LRBA: variants seen among roughly 807,000 people sequenced by gnomAD.
The protein encoded by LRBA is LPS responsive beige-like anchor protein.
LRBA carries 176 observed loss-of-function variants against 330.0 expected under a neutral mutation model. The ratio of observed to expected loss-of-function variants is 0.53; its 90% CI spans 0.47 to 0.60. The LOEUF (loss-of-function observed/expected upper bound fraction) is 0.60. Among genes scored for constraint, LRBA ranks in the 20% least tolerant of loss-of-function variants. The pLI is 0.00. For synonymous variants in LRBA, 1,230 were observed against 1,193.0 expected, an observed-to-expected ratio of 1.03 and a Z score of -0.64; for missense variants, 3,259 against 3,444.8, an observed-to-expected ratio of 0.95 and a Z score of 1.35.
chr4:150,311,300 G>C (rs954110156), intron 51 of LRBA: 2 of 152,130 alleles, frequency 1.3e-5, no homozygotes, highest in African/African-American at 4.8e-5. Context: ...TAAGGATTCT[G>C]ATGCTGCTAA....
intron 37 of LRBA, among the ~76,000 whole-genome samples, chr4:150,649,305 G>A (rs1779492077): frequency 6.6e-6 from 1 of 152,138 alleles, no homozygotes; most frequent in Non-Finnish European, 1.5e-5. Context: ...TAAGATCCTT[G>A]ACAATCAGGT....
intron 48 of LRBA, 63 bp from the exon 49 acceptor site, chr4:150,325,961 A>G (rs898272689): frequency 4.9e-5 from 42 of 861,024 alleles, no homozygotes; most frequent in Non-Finnish European, 8.3e-5. Flanking sequence ...TAGAACCCCA[A>G]CTGTCACCTG....
At position 150,697,822 on chromosome 4, in the gene LRBA, G is replaced by T. The variant is rs571226558; in HGVS notation, c.5755-14105C>A. 5.5e-5 allele frequency among the ~76,000 whole-genome samples: 8 copies of T among 146,540 alleles called. No homozygotes were observed. In the South Asian group the frequency reaches 1.5e-3, roughly 28 times the overall value. On this transcript the variant is annotated intron_variant, in intron 36 of 56. Coordinates refer to ENST00000651943, the MANE Select transcript of LRBA (RefSeq NM_001364905.1). The stretch of plus-strand genomic sequence containing the variant: ...CTACCTGTAGGGAAGGGCCAGTTTT[G>T]TTTTTTTTTTAACCTTTTTAAACAC...
rs1732548629 is a variant in LRBA at position 150,321,786 on chromosome 4, A to G, written c.7453-418T>C. Among the ~76,000 whole-genome samples the G allele has an allele frequency of 6.6e-6, 1 of 152,152 alleles. No homozygotes were observed. Among genetic ancestry groups the G allele is most frequent in the Non-Finnish European group, 1.5e-5 (1 of 68,030 alleles). ...AGCACTAAAAAAACAGTAAGAATGG[A>G]CAACAGGCATAAAAGCAAGACAAGG... On this transcript the variant is annotated intron_variant, in intron 49 of 56. Coordinates refer to ENST00000651943, the MANE Select transcript of LRBA (RefSeq NM_001364905.1). The surrounding 1 kb of genome is among the most constrained non-coding windows in gnomAD (Gnocchi z 4.5).
At chr4:150,784,059 T>C (rs998157657) in intron 34 of LRBA, among the ~76,000 whole-genome samples, 6 of 152,214 alleles carry the variant, frequency 3.9e-5, no homozygotes, top group South Asian at 2.1e-4. Context: ...TCTAATTCTT[T>C]TATCTCACTC....
intron 28 of LRBA, among the ~76,000 whole-genome samples, chr4:150,838,809 T>TGTA (rs1748584269): frequency 6.6e-6 from 1 of 152,168 alleles, no homozygotes; most frequent in South Asian, 2.1e-4. Context: ...AGTCATTCTC[T>TGTA]GTACAGCTTT....
intron 40 of LRBA, among the ~76,000 whole-genome samples, chr4:150,559,598 T>G (rs1353279608): frequency 8.7e-6 from 1 of 114,486 alleles, no homozygotes; most frequent in African/African-American, 3.3e-5. Flanking sequence ...TTATAATATA[T>G]AATGTATATT....
At chr4:150,679,127 T>C (rs915689978) in intron 37 of LRBA, among the ~76,000 whole-genome samples, 2 of 152,138 alleles carry the variant, frequency 1.3e-5, no homozygotes, top group Non-Finnish European at 2.9e-5. Context: ...CATCAGAAAT[T>C]ATTTTCAAAA....
rs184072306 is a variant in LRBA, at chr4:150,786,666, T to A, written c.5580+11415A>T. Among the ~76,000 whole-genome samples, 13 of 152,252 alleles carry A rather than the reference T, an allele frequency of 8.5e-5. No individual in the cohort carries two copies. In the East Asian group the frequency reaches 2.3e-3, roughly 27 times the overall value. On this transcript the variant is annotated intron_variant, in intron 34 of 56. Transcript: ENST00000651943. ...AAGAGGACCATTTTCCACCATCCAA[T>A]GATTTTATCCCCAAACTATCAGCAG...
chr4:150,465,470 G>A (rs77771466), intron 44 of LRBA, among the ~76,000 whole-genome samples: 10 of 151,956 alleles, frequency 6.6e-5, no homozygotes, highest in African/African-American at 1.9e-4. Flanking sequence ...TCATACTTTC[G>A]CACCAGCATG....
intron 37 of LRBA, among the ~76,000 whole-genome samples, chr4:150,617,384 G>C (rs1369919081): frequency 6.6e-6 from 1 of 152,208 alleles, no homozygotes; most frequent in Admixed American, 6.5e-5. Flanking sequence ...CCTCACGCCT[G>C]TAATCCCAGC....
chr4:150,462,255 A>G (rs1337302843), intron 44 of LRBA, among the ~76,000 whole-genome samples: 1 of 151,832 alleles, frequency 6.6e-6, no homozygotes, highest in Non-Finnish European at 1.5e-5. Flanking sequence ...GTAGAGGGAA[A>G]AGAAATCAAC....
chr4:150,630,179 A>G (rs956732560), intron 37 of LRBA, among the ~76,000 whole-genome samples: 1 of 152,156 alleles, frequency 6.6e-6, no homozygotes, highest in African/African-American at 2.4e-5. Context: ...CCACTACCAC[A>G]GTTCTGCCAT....
intron 43 of LRBA, among the ~76,000 whole-genome samples, chr4:150,470,979 A>G (rs75855326): frequency 1.3e-5 from 2 of 152,026 alleles, no homozygotes; most frequent in African/African-American, 4.8e-5. Context: ...TGCAGCTCTA[A>G]TATCACTTAG....
At chr4:150,986,765 C>A (rs1741509750) in intron 2 of LRBA, among the ~76,000 whole-genome samples, 1 of 152,006 alleles carries the variant, frequency 6.6e-6, no homozygotes, top group South Asian at 2.1e-4. Context: ...ACACAGGATG[C>A]CAAGGAAGCT....
chr4:150,334,556 A>C (rs1408664436), intron 48 of LRBA, among the ~76,000 whole-genome samples: 2 of 152,154 alleles, frequency 1.3e-5, no homozygotes, highest in African/African-American at 4.8e-5. Context: ...ACATACATAC[A>C]TATGCATGAA....
intron 40 of LRBA, among the ~76,000 whole-genome samples, chr4:150,515,405 C>T (rs979856662): frequency 2.6e-5 from 4 of 152,012 alleles, no homozygotes; most frequent in Admixed American, 6.6e-5. Flanking sequence ...GAAAATATTA[C>T]GTAAAATAAA....
chr4:150,267,062 A>G (rs1475862242), intron 56 of LRBA, among the ~76,000 whole-genome samples: 1 of 152,192 alleles, frequency 6.6e-6, no homozygotes, highest in African/African-American at 2.4e-5. Context: ...AAATATTAAC[A>G]GAATTGAAGG....
chr4:150,265,823 C>G lies in LRBA; in HGVS notation c.8469-11G>C, dbSNP rs549488073. 1.9e-6 allele frequency: 3 copies of G among 1,570,596 alleles called. No homozygotes were observed. In the African/African-American group the frequency reaches 4.1e-5, roughly 21 times the overall value. ...CCAGAAATGATGCACCTAGGAGAAG[C>G]ACAGAGAGAAGGACTTTTACAAACC... On this transcript the variant is annotated splice_polypyrimidine_tract_variant and intron_variant, in intron 56 of 56. Transcript: ENST00000651943.
Sources: allele counts gnomAD v4.1 joint callset (sites outside exome capture counted in the v4.1 genomes callset), GRCh38; gene constraint gnomAD v4.1.1; non-coding constraint Gnocchi (gnomAD v3.1); transcripts MANE v1.5; gene names NCBI Gene and HGNC (gene_info 2026-07-23, HGNC 2026-07-21).